RBFOX1: variants seen among roughly 807,000 people sequenced by gnomAD.
The protein encoded by RBFOX1 is RNA binding fox-1 homolog 1, also known as RNA binding protein fox-1 homolog 1.
A neutral mutation model predicts 57.7 loss-of-function variants in RBFOX1; 8 were observed. That is an observed-to-expected ratio of 0.14 (90% confidence interval 0.08 to 0.25). The LOEUF (loss-of-function observed/expected upper bound fraction) is 0.25. RBFOX1 is among the 10% of genes least tolerant of loss of function. The pLI is 1.00. For synonymous variants in RBFOX1, 326 were observed against 222.4 expected (o/e 1.47, Z -4.15); for missense variants, 611 against 548.5 (o/e 1.11, Z -1.14).
At chr16:7,164,004 G>A (rs1245430167) in intron 4 of RBFOX1, among the ~76,000 whole-genome samples, 1 of 152,074 alleles carries the variant, frequency 6.6e-6, no homozygotes, top group Non-Finnish European at 1.5e-5. Flanking sequence ...GAGAACAGGA[G>A]GTGTTTGGTT....
intron 1 of RBFOX1, among the ~76,000 whole-genome samples, chr16:5,244,936 C>G (rs2062259956): frequency 6.6e-6 from 1 of 152,170 alleles, no homozygotes; most frequent in African/African-American, 2.4e-5. Flanking sequence ...TTGCCCTGGG[C>G]TTTAATTCTT....
At chr16:6,546,776 C>T (rs1042269033) in intron 2 of RBFOX1, among the ~76,000 whole-genome samples, 4 of 152,166 alleles carry the variant, frequency 2.6e-5, no homozygotes, top group Admixed American at 6.5e-5. Flanking sequence ...CTAGCGGATA[C>T]ATATCCTATT....
intron 2 of RBFOX1, among the ~76,000 whole-genome samples, chr16:5,476,740 C>G (rs770422125): frequency 6.6e-6 from 1 of 152,224 alleles, no homozygotes; most frequent in Non-Finnish European, 1.5e-5. Context: ...TTCCCTGCCT[C>G]TTGGGTGCCT....
At chr16:5,382,582 T>C (rs1232446490) in intron 1 of RBFOX1, among the ~76,000 whole-genome samples, 1 of 152,198 alleles carries the variant, frequency 6.6e-6, no homozygotes, top group Non-Finnish European at 1.5e-5. Flanking sequence ...CTTGCTACCT[T>C]AGGTTTGACT....
intron 3 of RBFOX1, among the ~76,000 whole-genome samples, chr16:6,731,170 C>G (rs1480415537): frequency 1.3e-5 from 2 of 152,076 alleles, no homozygotes; most frequent in East Asian, 3.9e-4. Context: ...CTAGAATTAT[C>G]TAAGATGCAA....
chr16:6,489,073 A>G (rs1290875577), intron 2 of RBFOX1, among the ~76,000 whole-genome samples: 1 of 152,194 alleles, frequency 6.6e-6, no homozygotes, highest in East Asian at 1.9e-4. Flanking sequence ...CTTTCTTTAT[A>G]AATATGGCAT....
At chr16:5,314,805 T>A (rs1334404556) in intron 1 of RBFOX1, among the ~76,000 whole-genome samples, 1 of 150,792 alleles carries the variant, frequency 6.6e-6, no homozygotes, top group African/African-American at 2.4e-5. Context: ...CTGGCCTCAT[T>A]TCTTTTAAAA....
chr16:6,981,398 A>C (rs1038814083), intron 3 of RBFOX1, among the ~76,000 whole-genome samples: 1 of 152,148 alleles, frequency 6.6e-6, no homozygotes, highest in Non-Finnish European at 1.5e-5. Flanking sequence ...CTCGAGGTCC[A>C]TCCATGTCCC....
At chr16:6,522,063 G>A (rs1434198503) in intron 2 of RBFOX1, among the ~76,000 whole-genome samples, 4 of 151,970 alleles carry the variant, frequency 2.6e-5, no homozygotes, top group South Asian at 2.1e-4. Flanking sequence ...GAGTAAAAAC[G>A]TCCTTGCATC....
intron 4 of RBFOX1, among the ~76,000 whole-genome samples, chr16:5,995,675 G>C (rs1448795562): frequency 6.6e-6 from 1 of 152,160 alleles, no homozygotes; most frequent in Non-Finnish European, 1.5e-5. Flanking sequence ...TGCAAGTCCA[G>C]ATTATGTTCA....
chr16:6,100,373 A>G (rs1820619091), intron 1 of RBFOX1, among the ~76,000 whole-genome samples: 1 of 152,192 alleles, frequency 6.6e-6, no homozygotes, highest in Non-Finnish European at 1.5e-5. Flanking sequence ...CATGTTAGCC[A>G]GGATGGTCTC....
At chr16:6,443,332 C>A (rs140330479) in intron 2 of RBFOX1, among the ~76,000 whole-genome samples, 2 of 152,174 alleles carry the variant, frequency 1.3e-5, no homozygotes, top group South Asian at 2.1e-4. Flanking sequence ...GCAAAGCAAA[C>A]ACAAAGTAAA....
At chr16:6,165,651 A>C (rs1277880012) in intron 1 of RBFOX1, among the ~76,000 whole-genome samples, 3 of 152,176 alleles carry the variant, frequency 2.0e-5, no homozygotes, top group Non-Finnish European at 4.4e-5. Flanking sequence ...GCTTCGTTTG[A>C]ATTTTGTCTG....
At position 6,700,557 on chromosome 16, in the gene RBFOX1, C is replaced by G. The variant is rs550576788; in HGVS notation, c.-16+45907C>G. Reference sequence around the variant, plus strand: ...CCTGTAATCTCAGCTATTCAGGAGGCTGAGGCAAGAGAATTGCTTGAACCC... The same window carrying G: ...CCTGTAATCTCAGCTATTCAGGAGGGTGAGGCAAGAGAATTGCTTGAACCC... On this transcript the variant is annotated intron_variant, in intron 3 of 15. Transcript: ENST00000550418. 4.0e-4 allele frequency among the ~76,000 whole-genome samples: 61 copies of G among 152,152 alleles called. 3 individuals carry two copies. The South Asian group carries it at 0.013, about 32-fold the overall frequency.
intron 3 of RBFOX1, among the ~76,000 whole-genome samples, chr16:6,902,471 T>A (rs904072154): frequency 6.6e-6 from 1 of 152,160 alleles, no homozygotes; most frequent in East Asian, 1.9e-4. Context: ...CTTGTAATCC[T>A]AGCACTTTGA....
At chr16:7,002,817 A>G (rs953339158) in intron 3 of RBFOX1, among the ~76,000 whole-genome samples, 1 of 152,212 alleles carries the variant, frequency 6.6e-6, no homozygotes, top group African/African-American at 2.4e-5. Context: ...GGTAGATGCT[A>G]TATAATAAAG....
At chr16:5,341,211 A>C (rs2065024117) in intron 1 of RBFOX1, among the ~76,000 whole-genome samples, 1 of 152,288 alleles carries the variant, frequency 6.6e-6, no homozygotes, top group East Asian at 1.9e-4. Context: ...TGTGCAGGAC[A>C]TTTTAGCTCA....
chr16:7,105,042 A>C (rs1413548499), intron 4 of RBFOX1, among the ~76,000 whole-genome samples: 1 of 152,104 alleles, frequency 6.6e-6, no homozygotes, highest in African/African-American at 2.4e-5. Context: ...TGGCACCTAC[A>C]GATCTCCACT....
At chr16:7,114,754 C>T (rs142087418) in intron 4 of RBFOX1, among the ~76,000 whole-genome samples, 27 of 152,316 alleles carry the variant, frequency 1.8e-4, no homozygotes, top group Middle Eastern at 3.4e-3. Context: ...GGAAACTTTG[C>T]TTTCTGTTTA....
Sources: allele counts gnomAD v4.1 joint callset (sites outside exome capture counted in the v4.1 genomes callset), GRCh38; gene constraint gnomAD v4.1.1; transcripts MANE v1.5; gene names NCBI Gene and HGNC (gene_info 2026-07-23, HGNC 2026-07-21).